The following FBN2 variants were observed in gnomAD, a reference collection of about 807,000 sequenced individuals.
FBN2 encodes fibrillin 2, also known as fibrillin-2.
Under a neutral mutation model 355.6 loss-of-function variants are expected in FBN2, and 105 were observed. The ratio of observed to expected loss-of-function variants is 0.30; its 90% CI spans 0.25 to 0.35. The LOEUF (loss-of-function observed/expected upper bound fraction) is 0.35, where lower values mean the gene tolerates loss of function less well. Ranked by LOEUF, FBN2 falls within the 10% of genes least tolerant of loss-of-function variation. The pLI is 1.00. For missense variants in FBN2, 3,280 were observed against 3,758.7 expected (o/e 0.87, Z 3.33); for synonymous variants, 1,350 against 1,301.2 (o/e 1.04, Z -0.81).
rs532562120 is a variant in FBN2, at chr5:128,440,396, A to T, written c.952+6085T>A. ...GAAGCATGGCTAGGGAAGCTTCAGG[A>T]AACATACAATCATGGTGGAAGGTGA... On this transcript the variant is annotated intron_variant, in intron 7 of 64. Transcript: ENST00000262464. 8.5e-5 allele frequency among the ~76,000 whole-genome samples: 13 copies of T among 152,258 alleles called. No homozygotes were observed. In the East Asian group the frequency reaches 2.5e-3, roughly 29 times the overall value.
At chr5:128,329,095 A>T (rs978568731) in intron 33 of FBN2, among the ~76,000 whole-genome samples, 1 of 152,192 alleles carries the variant, frequency 6.6e-6, no homozygotes, top group African/African-American at 2.4e-5. Flanking sequence ...AAACGCAGAC[A>T]TCTCTCACAT....
At chr5:128,474,813 A>G (rs1233041470) in intron 5 of FBN2, among the ~76,000 whole-genome samples, 2 of 152,182 alleles carry the variant, frequency 1.3e-5, no homozygotes. Flanking sequence ...TACAACATCT[A>G]AGCAACTGTG....
At chr5:128,376,346 C>A (rs992943645) in intron 14 of FBN2, among the ~76,000 whole-genome samples, 6 of 152,132 alleles carry the variant, frequency 3.9e-5, no homozygotes, top group Admixed American at 6.5e-5. Context: ...TAATGCTAAA[C>A]CCATAATGAA....
intron 5 of FBN2, among the ~76,000 whole-genome samples, chr5:128,489,169 C>T (rs560166551): frequency 2.6e-5 from 4 of 152,058 alleles, no homozygotes; most frequent in Non-Finnish European, 5.9e-5. Context: ...CTGTTGTTTC[C>T]TGACTTTTTA....
chr5:128,370,297 G>C (rs963643683), intron 15 of FBN2, among the ~76,000 whole-genome samples: 3 of 152,124 alleles, frequency 2.0e-5, no homozygotes, highest in Non-Finnish European at 2.9e-5. Flanking sequence ...TATACCTCCA[G>C]AGATAACCTC....
Position 128,263,571 on chromosome 5 carries a change from C to T in FBN2, c.8046G>A (p.Ser2682=), listed in dbSNP as rs771507975. 9 of 1,614,028 alleles carry T rather than the reference C, an allele frequency of 5.6e-6. No homozygotes were observed. The South Asian group carries it at 8.8e-5, about 16-fold the overall frequency. Residue 2682 remains serine, a synonymous_variant, in exon 63 of 65, where the codon TCG becomes TCA. Coordinates refer to ENST00000262464, the MANE Select transcript of FBN2 (RefSeq NM_001999.4). ...TLGSYKCACP[S]GFSFDQFSSA... ...TGGAGAACTGGTCGAAGGAGAACCCCGAGGGGCAGGCGCACTTGTAACTCC... is the reference window on the plus strand; with the variant it reads ...TGGAGAACTGGTCGAAGGAGAACCCTGAGGGGCAGGCGCACTTGTAACTCC...
intron 7 of FBN2, among the ~76,000 whole-genome samples, chr5:128,437,795 TAG>T (rs1753810158): frequency 1.3e-5 from 2 of 151,162 alleles, no homozygotes; most frequent in African/African-American, 4.9e-5. Context: ...GATAGATAGA[TAG>T]ATAGATAGAT....
At chr5:128,289,388 A>T (rs753114052) in intron 51 of FBN2, 136 bp from the exon 52 acceptor site, 3 of 848,168 alleles carry the variant, frequency 3.5e-6, no homozygotes, top group Non-Finnish European at 5.9e-6. Context: ...GCTTGAGACC[A>T]GCCTGGGCAA....
intron 5 of FBN2, among the ~76,000 whole-genome samples, chr5:128,498,749 C>A (rs1755724596): frequency 6.6e-6 from 1 of 152,130 alleles, no homozygotes; most frequent in Non-Finnish European, 1.5e-5. Flanking sequence ...ATAAGTAGTA[C>A]TTAAAAAGTG....
At chr5:128,269,359 T>TAGGGAGGAGGTGGAAGTTGC (rs1274859361) in intron 62 of FBN2, among the ~76,000 whole-genome samples, 2 of 150,322 alleles carry the variant, frequency 1.3e-5, no homozygotes, top group African/African-American at 2.4e-5. Flanking sequence ...TCCTAGCTAC[T>TAGGGAGGAGGTGGAAGTTGC]AGGGAGGAGG....
chr5:128,523,475 T>C lies in FBN2; in HGVS notation c.533-4107A>G, dbSNP rs754501070. On this transcript the variant is annotated intron_variant, in intron 4 of 64. Coordinates refer to ENST00000262464, the MANE Select transcript of FBN2 (RefSeq NM_001999.4). Reference sequence around the variant, plus strand: ...TTCTTTAGCTACAACAACTTCCTAATGATCTTTATCTAAGCCTATGATTAA... The same window carrying C: ...TTCTTTAGCTACAACAACTTCCTAACGATCTTTATCTAAGCCTATGATTAA... 4.6e-4 allele frequency among the ~76,000 whole-genome samples: 70 copies of C among 152,166 alleles called. 1 individual carries two copies. Among genetic ancestry groups the C allele is most frequent in the Non-Finnish European group, 5.6e-4 (38 of 68,016 alleles).
chr5:128,525,406 C>G (rs1259550384), intron 4 of FBN2, among the ~76,000 whole-genome samples: 2 of 152,044 alleles, frequency 1.3e-5, no homozygotes, highest in Admixed American at 6.6e-5. Flanking sequence ...TCTTTCTTTT[C>G]TGGTTATAAA....
Position 128,312,656 on chromosome 5 carries a change from C to G in FBN2, c.4857G>C (p.Glu1619Asp). The G allele has an allele frequency of 6.2e-7, 1 of 1,614,084 alleles. No homozygotes were observed. The highest frequency in any genetic ancestry group is 8.5e-7 in the Non-Finnish European group (1 of 1,180,006). Residue 1619 changes from glutamate (E) to aspartate (D), a missense_variant, in exon 37 of 65, where the codon GAG becomes GAC. By Grantham distance (45) the Glu-to-Asp change is conservative (BLOSUM62 2). Around this residue, in one of 6 missense-constraint regions of FBN2, gnomAD observed 2,284 missense variants for 2,749.5 expected, o/e 0.83. Coordinates refer to ENST00000262464, the MANE Select transcript of FBN2 (RefSeq NM_001999.4). ...TACTGCTATTGACAGGGGGGCATGT[C>G]TCACAGGGGTTTCCCCAGGCCTTTC... ...SLGKAWGNPC[E>D]TCPPVNSTEY...
At chr5:128,431,080 A>C (rs1460893405) in intron 7 of FBN2, among the ~76,000 whole-genome samples, 2 of 152,188 alleles carry the variant, frequency 1.3e-5, no homozygotes, top group Non-Finnish European at 2.9e-5. Flanking sequence ...AGTCTAGACA[A>C]TAGTAGAGAA....
At chr5:128,465,886 C>T (rs932679082) in intron 5 of FBN2, among the ~76,000 whole-genome samples, 8 of 152,142 alleles carry the variant, frequency 5.3e-5, no homozygotes, top group Non-Finnish European at 1.2e-4. Flanking sequence ...AGACTCAAGC[C>T]CTACCCTGAC....
At chr5:128,422,461 G>T (rs141848722) in intron 7 of FBN2, among the ~76,000 whole-genome samples, 1 of 152,172 alleles carries the variant, frequency 6.6e-6, no homozygotes, top group Non-Finnish European at 1.5e-5. Context: ...AGTGACTAAA[G>T]AGTTGAAAGA....
At chr5:128,501,412 T>C (rs1012550779) in intron 5 of FBN2, among the ~76,000 whole-genome samples, 3 of 152,016 alleles carry the variant, frequency 2.0e-5, no homozygotes, top group Admixed American at 1.3e-4. Context: ...TAGGTAATTC[T>C]GAAAGGGAGA....
intron 7 of FBN2, among the ~76,000 whole-genome samples, chr5:128,445,451 A>G (rs940291252): frequency 4.6e-5 from 7 of 152,362 alleles, no homozygotes; most frequent in Admixed American, 4.6e-4. Flanking sequence ...TTATGAAATA[A>G]TATAGTTCAT....
rs1247437306 is a variant in FBN2, at chr5:128,446,550, T to C, written c.883A>G (p.Thr295Ala). ...CATCTGCATTCAAAAGAGCCCACTG[T>C]ATTGATACAGTTTCCTCCTTGGCAT... is the stretch of plus-strand genomic sequence containing the variant. ...GICQGGNCIN[T>A]VGSFECRCPA... Residue 295 changes from threonine (T) to alanine (A), a missense_variant, in exon 7 of 65, where the codon ACA (threonine) becomes GCA (alanine). Transcript: ENST00000262464. The C allele has an allele frequency of 6.2e-7, 1 of 1,613,928 alleles. No individual in the cohort carries two copies. Among genetic ancestry groups the C allele is most frequent in the Non-Finnish European group, 8.5e-7 (1 of 1,179,798 alleles).
Sources: allele counts gnomAD v4.1 joint callset (sites outside exome capture counted in the v4.1 genomes callset), GRCh38; gene constraint gnomAD v4.1.1; regional missense constraint gnomAD v4.1.1; transcripts MANE v1.5; gene names NCBI Gene and HGNC (gene_info 2026-07-23, HGNC 2026-07-21).